The following SPEF2 variants were observed in gnomAD, a reference collection of about 807,000 sequenced individuals.
SPEF2 encodes sperm flagella and cilia-associated protein 2.
Under a neutral mutation model 224.6 loss-of-function variants are expected in SPEF2, and 187 were observed. The ratio of observed to expected loss-of-function variants is 0.83; its 90% CI spans 0.74 to 0.94. The LOEUF is 0.94. Among genes scored for constraint, SPEF2 ranks in the 40% least tolerant of loss-of-function variants. The pLI is 0.00. For synonymous variants in SPEF2, 715 were observed against 707.3 expected (o/e 1.01, Z -0.17); for missense variants, 2,170 against 2,135.6 (o/e 1.02, Z -0.32).
intron 19 of SPEF2, among the ~76,000 whole-genome samples, chr5:35,712,362 C>G (rs1016782549): frequency 2.6e-5 from 4 of 152,036 alleles, no homozygotes; most frequent in Admixed American, 1.3e-4. Flanking sequence ...CATCAATAGC[C>G]GGGACTACAG....
At chr5:35,718,758 T>TCGG (rs1299959022) in intron 20 of SPEF2, among the ~76,000 whole-genome samples, 2 of 152,194 alleles carry the variant, frequency 1.3e-5, no homozygotes, top group African/African-American at 4.8e-5. Flanking sequence ...GTTGGCTTAA[T>TCGG]CGGCAGGAAT....
intron 30 of SPEF2, among the ~76,000 whole-genome samples, chr5:35,783,713 T>C (rs920348963): frequency 1.3e-5 from 2 of 152,098 alleles, no homozygotes; most frequent in African/African-American, 4.8e-5. Context: ...TCCTAGGGAG[T>C]ACAAGCATTC....
At chr5:35,793,727 AACACAC>A (rs374573342) in intron 32 of SPEF2, among the ~76,000 whole-genome samples, 195 of 100,884 alleles carry the variant, frequency 1.9e-3, no homozygotes, top group African/African-American at 5.3e-3. Flanking sequence ...CAGTGGTTAA[AACACAC>A]ACACACACAC....
At chr5:35,682,616 A>C (rs1386691094) in intron 10 of SPEF2, among the ~76,000 whole-genome samples, 3 of 151,926 alleles carry the variant, frequency 2.0e-5, no homozygotes, top group Non-Finnish European at 4.4e-5. Flanking sequence ...GACTAGTACC[A>C]CTCCTCTAAA....
At chr5:35,736,809 G>T (rs1746683667) in intron 21 of SPEF2, among the ~76,000 whole-genome samples, 1 of 152,072 alleles carries the variant, frequency 6.6e-6, no homozygotes, top group African/African-American at 2.4e-5. Flanking sequence ...CTTCTCAGTT[G>T]TTTTTCTGCT....
chr5:35,700,790 GAA>G (rs1286513645), intron 16 of SPEF2, 38 bp downstream of exon 16: 1 of 1,601,642 alleles, frequency 6.2e-7, no homozygotes, highest in Admixed American at 1.7e-5. Flanking sequence ...TTTTTACAAT[GAA>G]AACTCTTTGT....
intron 1 of SPEF2, among the ~76,000 whole-genome samples, chr5:35,627,493 C>T (rs1444446340): frequency 4.0e-5 from 6 of 151,824 alleles, no homozygotes; most frequent in Non-Finnish European, 8.8e-5. Context: ...CCCAGCTACT[C>T]GGGAGGCTGA....
At position 35,776,150 on chromosome 5, in the gene SPEF2, CT is replaced by C. The variant is rs1242153944; in HGVS notation, c.4079-106del. On this transcript the variant is annotated intron_variant, in intron 28 of 36. Coordinates refer to ENST00000356031, the MANE Select transcript of SPEF2 (RefSeq NM_024867.4). ...CTATTCTGGTATATTAAACGTGCAC[CT>C]AAAGCTTCACAAATTGAAGCACCAG... is the stretch of plus-strand genomic sequence containing the variant. 6.0e-6 allele frequency: 7 copies of C among 1,170,170 alleles called. No individual in the cohort carries two copies. In the Admixed American group the frequency reaches 1.9e-4, roughly 31 times the overall value. The allele number at this position is 1,170,170 out of a possible 1,614,324, so 72.5% of individuals were successfully genotyped here.
intron 2 of SPEF2, among the ~76,000 whole-genome samples, chr5:35,635,677 A>C (rs1451079227): frequency 6.6e-6 from 1 of 152,216 alleles, no homozygotes; most frequent in Non-Finnish European, 1.5e-5. Flanking sequence ...CAATTTTTCC[A>C]AAATACATGA....
At chr5:35,798,673 A>C (rs1337371382) in intron 33 of SPEF2, among the ~76,000 whole-genome samples, 4 of 151,470 alleles carry the variant, frequency 2.6e-5, no homozygotes, top group Admixed American at 1.3e-4. Context: ...AGCTCACTGC[A>C]ACCTCCACCT....
At chr5:35,661,275 T>TATATAG (rs1554023018) in intron 8 of SPEF2, among the ~76,000 whole-genome samples, 19 of 46,456 alleles carry the variant, frequency 4.1e-4, no homozygotes, top group African/African-American at 1.7e-3. Context: ...TATATATATA[T>TATATAG]ATATATATAT....
intron 24 of SPEF2, among the ~76,000 whole-genome samples, chr5:35,755,778 T>G (rs1750351333): frequency 6.6e-6 from 1 of 152,024 alleles, no homozygotes; most frequent in African/African-American, 2.4e-5. Context: ...CCTGGCTAAT[T>G]TTTGTATTTT....
chr5:35,656,045 T>G lies in SPEF2; in HGVS notation c.978+1319T>G, dbSNP rs1181866765. ...TTTTGGAGGTAAAATCAATAAGACTTATTGATTCATTAAACAAGGGAAAGT... is the reference window on the plus strand; with the variant it reads ...TTTTGGAGGTAAAATCAATAAGACTGATTGATTCATTAAACAAGGGAAAGT... On this transcript the variant is annotated intron_variant, in intron 7 of 36. Transcript: ENST00000356031. Among the ~76,000 whole-genome samples the G allele has an allele frequency of 2.0e-5, 3 of 152,126 alleles. No homozygotes were observed. The East Asian group carries it at 5.8e-4, about 29-fold the overall frequency.
Position 35,693,328 on chromosome 5 carries a change from C to T in SPEF2, c.1899+604C>T, listed in dbSNP as rs78270436. On this transcript the variant is annotated intron_variant, in intron 12 of 36. Coordinates refer to ENST00000356031, the MANE Select transcript of SPEF2 (RefSeq NM_024867.4). ...TCTTTGTCTCCAGTCTCACAGTGGT[C>T]GGCTGCTTAAGTGGTGTTCAGAAAC... 9.0e-3 allele frequency among the ~76,000 whole-genome samples: 1,367 copies of T among 152,170 alleles called. 17 individuals carry two copies. The highest frequency in any genetic ancestry group is 0.032 in the African/African-American group (1,329 of 41,512).
intron 26 of SPEF2, 147 bp downstream of exon 26, chr5:35,763,849 T>C (rs1463688386): frequency 1.5e-5 from 11 of 714,538 alleles, no homozygotes; most frequent in South Asian, 1.4e-4. Context: ...CTGAAAGAAA[T>C]AGAGAAATGT....
At chr5:35,660,972 C>T (rs1354106775) in intron 8 of SPEF2, among the ~76,000 whole-genome samples, 2 of 151,986 alleles carry the variant, frequency 1.3e-5, no homozygotes, top group East Asian at 1.9e-4. Context: ...TTTCCAACAG[C>T]GGAGCTATCT....
chr5:35,707,637 C>T (rs1740059841), intron 18 of SPEF2, among the ~76,000 whole-genome samples: 1 of 152,082 alleles, frequency 6.6e-6, no homozygotes, highest in Non-Finnish European at 1.5e-5. Flanking sequence ...ACTGGGCAGT[C>T]AGGGAGGGTG....
At chr5:35,649,470 C>G (rs1488502152) in intron 6 of SPEF2, 45 bp downstream of exon 6, 10 of 1,398,392 alleles carry the variant, frequency 7.2e-6, no homozygotes, top group Non-Finnish European at 9.9e-6. Flanking sequence ...GCATTCTGTT[C>G]TACACATAGC....
intron 3 of SPEF2, 129 bp from the exon 4 acceptor site, chr5:35,644,226 A>C: frequency 1.3e-6 from 1 of 749,904 alleles, no homozygotes; most frequent in Non-Finnish European, 2.0e-6. Context: ...ATGGGGTTTG[A>C]ATTTAGCTTA....
Sources: gnomAD v4.1 joint callset for allele counts (sites outside exome capture counted in the v4.1 genomes callset) on GRCh38, gnomAD v4.1.1 for gene constraint, MANE v1.5 for transcripts, NCBI Gene and HGNC (gene_info 2026-07-23, HGNC 2026-07-21) for gene names.